Variants in DDX4 observed in about 807,000 individuals in gnomAD.
The protein encoded by DDX4 is probable ATP-dependent RNA helicase DDX4.
Under a neutral mutation model 100.0 loss-of-function variants are expected in DDX4, and 25 were observed. That is an observed-to-expected ratio of 0.25 (90% CI 0.18 to 0.35). DDX4 has a LOEUF of 0.35. Among genes scored for constraint, DDX4 ranks in the 10% least tolerant of loss-of-function variants. DDX4 has a pLI of 1.00. For missense variants in DDX4, 635 were observed against 882.4 expected, an observed-to-expected ratio of 0.72 and a Z score of 3.55; for synonymous variants, 259 against 275.7, an observed-to-expected ratio of 0.94 and a Z score of 0.60.
intron 17 of DDX4, among the ~76,000 whole-genome samples, chr5:55,794,510 T>C (rs1435141825): frequency 6.6e-6 from 1 of 151,966 alleles, no homozygotes; most frequent in Non-Finnish European, 1.5e-5. Context: ...CTATATAGTA[T>C]TTTCAGGTGG....
At chr5:55,798,338 T>G in intron 17 of DDX4, 88 bp from the exon 18 acceptor site, 1 of 1,360,302 alleles carries the variant, frequency 7.4e-7, no homozygotes, top group Non-Finnish European at 1.0e-6. Flanking sequence ...CTGATTAATA[T>G]TGAGATAACA....
intron 2 of DDX4, among the ~76,000 whole-genome samples, chr5:55,739,897 T>C (rs1305971766): frequency 6.6e-6 from 1 of 151,596 alleles, no homozygotes; most frequent in Non-Finnish European, 1.5e-5. Flanking sequence ...ACATGTTACC[T>C]TTTTTTTTAT....
chr5:55,746,314 G>A, intron 3 of DDX4, 93 bp downstream of exon 3: 1 of 1,137,780 alleles, frequency 8.8e-7, no homozygotes. Context: ...TCTTGTAGAG[G>A]GTGTTTTAAA....
rs1744447795 is a variant in DDX4, at chr5:55,816,847, A to T, written c.*307A>T. 1 of 273,576 alleles carries T rather than the reference A, an allele frequency of 3.7e-6. No homozygotes were observed. Among genetic ancestry groups the T allele is most frequent in the African/African-American group, 2.2e-5 (1 of 45,238 alleles). 16.9% of individuals were successfully genotyped at this position (273,576 alleles called of 1,614,324 possible). On this transcript the variant is annotated 3_prime_UTR_variant, in exon 22 of 22. Coordinates refer to ENST00000505374, the MANE Select transcript of DDX4 (RefSeq NM_024415.3). ...ATGTTTAAATGCCAAGTCTTACTAT[A>T]GTGTTTATTGATCTTATAAAACAAG...
In DDX4 at chr5:55,815,186, T is replaced by C; in HGVS notation, c.1986+15T>C. Reference sequence around the variant, plus strand: ...TATTGACAGATGTAAGTTAAACTTTTATGATGGAATGGATAGTTTTCTTAC... The same window carrying C: ...TATTGACAGATGTAAGTTAAACTTTCATGATGGAATGGATAGTTTTCTTAC... On this transcript the variant is annotated intron_variant, in intron 20 of 21. Coordinates refer to ENST00000505374, the MANE Select transcript of DDX4 (RefSeq NM_024415.3). 1.2e-6 allele frequency: 2 copies of C among 1,611,642 alleles called. No individual in the cohort carries two copies. The highest frequency in any genetic ancestry group is 1.3e-5 in the African/African-American group (1 of 74,854).
At chr5:55,808,953 G>T (rs1743933800) in intron 18 of DDX4, among the ~76,000 whole-genome samples, 1 of 152,356 alleles carries the variant, frequency 6.6e-6, no homozygotes, top group African/African-American at 2.4e-5. Flanking sequence ...CTGAGATGCG[G>T]TGGGCTCCAC....
At chr5:55,754,826 T>C (rs1455019488) in intron 3 of DDX4, among the ~76,000 whole-genome samples, 1 of 152,082 alleles carries the variant, frequency 6.6e-6, no homozygotes, top group Non-Finnish European at 1.5e-5. Context: ...GTTGGTAAGC[T>C]ATTGATTATT....
intron 16 of DDX4, among the ~76,000 whole-genome samples, chr5:55,791,198 G>A (rs961437329): frequency 2.0e-5 from 3 of 152,042 alleles, no homozygotes; most frequent in African/African-American, 7.2e-5. Flanking sequence ...AGATTTTAGG[G>A]CCATGTACTT....
At chr5:55,809,390 G>C (rs162092) in intron 18 of DDX4, among the ~76,000 whole-genome samples, 60,944 of 151,890 alleles carry the variant, frequency 0.4, 13,600 homozygotes, top group African/African-American at 0.58. Flanking sequence ...GCAGAAATCA[G>C]CCGTCTTCTG....
intron 7 of DDX4, among the ~76,000 whole-genome samples, chr5:55,774,450 C>A (rs962528551): frequency 1.3e-5 from 2 of 152,182 alleles, no homozygotes; most frequent in Non-Finnish European, 2.9e-5. Flanking sequence ...CTGCATCTGG[C>A]CTGCAAATGT....
intron 17 of DDX4, among the ~76,000 whole-genome samples, chr5:55,795,165 A>G (rs943040217): frequency 2.6e-5 from 4 of 151,952 alleles, no homozygotes; most frequent in East Asian, 3.9e-4. Context: ...GGGTTTCTCC[A>G]TGCTGGTCAG....
intron 7 of DDX4, among the ~76,000 whole-genome samples, chr5:55,779,341 CTCTT>C (rs914880225): frequency 6.6e-6 from 1 of 152,102 alleles, no homozygotes; most frequent in African/African-American, 2.4e-5. Flanking sequence ...ATTCATCATT[CTCTT>C]TAAGTATAAA....
chr5:55,779,887 A>T, intron 7 of DDX4, 77 bp from the exon 8 acceptor site: 4 of 1,532,672 alleles, frequency 2.6e-6, no homozygotes, highest in Non-Finnish European at 3.5e-6. Context: ...TTCAAGGCTT[A>T]AATTAAATTT....
intron 3 of DDX4, among the ~76,000 whole-genome samples, chr5:55,751,602 C>T (rs1398409290): frequency 6.6e-6 from 1 of 152,156 alleles, no homozygotes; most frequent in Non-Finnish European, 1.5e-5. Flanking sequence ...TAAGTTTCTA[C>T]TTTTGTAAGT....
At chr5:55,801,215 GTTTT>G (rs760157665) in intron 18 of DDX4, among the ~76,000 whole-genome samples, 2 of 103,500 alleles carry the variant, frequency 1.9e-5, no homozygotes, top group Non-Finnish European at 4.3e-5. Flanking sequence ...ATGATGGGGT[GTTTT>G]TTTTTTTTTT....
chr5:55,796,493 A>G (rs957485614), intron 17 of DDX4, among the ~76,000 whole-genome samples: 10 of 152,232 alleles, frequency 6.6e-5, no homozygotes, highest in Non-Finnish European at 1.5e-5. Flanking sequence ...CAATGCCAAA[A>G]TAAAGTCTGA....
At chr5:55,796,592 C>T (rs1264969749) in intron 17 of DDX4, among the ~76,000 whole-genome samples, 1 of 152,174 alleles carries the variant, frequency 6.6e-6, no homozygotes, top group African/African-American at 2.4e-5. Flanking sequence ...ATGACAGTCT[C>T]AGGCTCACCT....
chr5:55,768,621 T>A (rs1346444665), intron 7 of DDX4, among the ~76,000 whole-genome samples: 3 of 152,228 alleles, frequency 2.0e-5, no homozygotes, highest in African/African-American at 7.2e-5. Context: ...TAGAATTATT[T>A]ATATTCCTTT....
chr5:55,790,914 A>G (rs1200803156), intron 16 of DDX4, among the ~76,000 whole-genome samples: 1 of 152,232 alleles, frequency 6.6e-6, no homozygotes, highest in Non-Finnish European at 1.5e-5. Context: ...AACAAACTCA[A>G]TGAGATTATG....
Sources: gnomAD v4.1 joint callset for allele counts (sites outside exome capture counted in the v4.1 genomes callset) on GRCh38, gnomAD v4.1.1 for gene constraint, MANE v1.5 for transcripts, NCBI Gene and HGNC (gene_info 2026-07-23, HGNC 2026-07-21) for gene names.